The following NLGN4Y variants were observed in gnomAD, a reference collection of about 807,000 sequenced individuals.
The protein encoded by NLGN4Y is neuroligin-4, Y-linked.
Under a neutral mutation model 8.4 loss-of-function variants are expected in NLGN4Y, and 4 were observed. That is an observed-to-expected ratio of 0.48 (90% CI 0.23 to 1.09). The LOEUF is 1.09. Among genes scored for constraint, NLGN4Y ranks in the 50% least tolerant of loss-of-function variants. The pLI is 0.19. For missense variants in NLGN4Y, 90 were observed against 192.3 expected (o/e 0.47, Z 3.15); for synonymous variants, 35 against 75.6 (o/e 0.46, Z 2.78).
chrY:14,786,726 GCATATA>G (rs2042968500), intron 4 of NLGN4Y, among the ~76,000 whole-genome samples: 7 of 32,967 alleles, frequency 2.1e-4, no homozygotes, highest in Admixed American at 1.7e-3. Flanking sequence ...TATACTATCA[GCATATA>G]CATAAATACA....
chrY:14,593,398 T>C (rs770673038), intron 1 of NLGN4Y, among the ~76,000 whole-genome samples: 1 of 33,723 alleles, frequency 3.0e-5, no homozygotes, highest in East Asian at 7.9e-4. Flanking sequence ...CTGGAGGAGA[T>C]TTGGCCCTGT....
intron 1 of NLGN4Y, among the ~76,000 whole-genome samples, chrY:14,584,543 T>C: frequency 3.1e-5 from 1 of 32,621 alleles, no homozygotes; most frequent in Non-Finnish European, 7.5e-5. Context: ...ATATCCTCCT[T>C]ATCCACAAGC....
At chrY:14,832,210 G>A in intron 6 of NLGN4Y, among the ~76,000 whole-genome samples, 1 of 34,622 alleles carries the variant, frequency 2.9e-5, no homozygotes, top group Non-Finnish European at 7.2e-5. Flanking sequence ...TAAGATCAGA[G>A]GACACGATTT....
chrY:14,639,389 T>C, intron 2 of NLGN4Y: 1 of 149,024 alleles, frequency 6.7e-6, no homozygotes, highest in Non-Finnish European at 1.3e-5. Flanking sequence ...TGTCTATTAT[T>C]AGGGCAGGTT....
chrY:14,755,300 A>T, intron 4 of NLGN4Y, among the ~76,000 whole-genome samples: 1 of 33,028 alleles, frequency 3.0e-5, no homozygotes, highest in African/African-American at 1.2e-4. Context: ...ATGTTATCTT[A>T]TGTTTTGTTA....
chrY:14,783,006 T>C, intron 4 of NLGN4Y, among the ~76,000 whole-genome samples: 1 of 33,780 alleles, frequency 3.0e-5, no homozygotes, highest in Non-Finnish European at 7.3e-5. Context: ...AAGTAACCTT[T>C]TGCATTGTGC....
rs766838793 is a variant in NLGN4Y at position 14,829,724 on chromosome Y, C to T, written c.872-6C>T. 1 of 398,983 alleles carries T rather than the reference C, an allele frequency of 2.5e-6. No homozygotes were observed. The highest frequency in any genetic ancestry group is 7.4e-5 in the Admixed American group (1 of 13,545). On this transcript the variant is annotated splice_region_variant and splice_polypyrimidine_tract_variant and intron_variant, in intron 5 of 6. Transcript: ENST00000684976. ...CATTTGCATGTCCGCAATTTTGCAC[C>T]TGCAGGTCTCTTCCAGAAGGCCATC...
intron 4 of NLGN4Y, among the ~76,000 whole-genome samples, chrY:14,758,552 G>C (rs912090436): frequency 5.9e-5 from 2 of 33,838 alleles, no homozygotes; most frequent in Non-Finnish European, 7.3e-5. Flanking sequence ...GATTGGAACA[G>C]TGCACTAAGG....
chrY:14,728,243 C>T (rs773625624), intron 4 of NLGN4Y, among the ~76,000 whole-genome samples: 1 of 33,809 alleles, frequency 3.0e-5, no homozygotes, highest in Admixed American at 2.7e-4. Context: ...TTTCACATTG[C>T]TGGTGGGAAT....
At chrY:14,533,294 T>C (rs2080120128) in intron 1 of NLGN4Y, among the ~76,000 whole-genome samples, 1 of 33,319 alleles carries the variant, frequency 3.0e-5, no homozygotes, top group South Asian at 6.7e-4. Context: ...TTATGGCTAT[T>C]TCCTACATAC....
At chrY:14,756,511 G>A (rs2081057654) in intron 4 of NLGN4Y, among the ~76,000 whole-genome samples, 2 of 30,613 alleles carry the variant, frequency 6.5e-5, no homozygotes, top group African/African-American at 2.6e-4. Flanking sequence ...ACTTTGGGAG[G>A]CTGAGGCAGG....
intron 1 of NLGN4Y, among the ~76,000 whole-genome samples, chrY:14,603,134 ATG>A (rs777877703): frequency 3.2e-5 from 1 of 31,187 alleles, no homozygotes; most frequent in Non-Finnish European, 7.8e-5. Flanking sequence ...TAGAGGATGG[ATG>A]TGTGTGTGTG....
intron 4 of NLGN4Y, among the ~76,000 whole-genome samples, chrY:14,758,489 G>C: frequency 3.0e-5 from 1 of 33,766 alleles, no homozygotes; most frequent in African/African-American, 1.2e-4. Context: ...ACTACGGTTT[G>C]AGAATTGTCC....
chrY:14,708,371 C>T, intron 2 of NLGN4Y, among the ~76,000 whole-genome samples: 1 of 33,281 alleles, frequency 3.0e-5, no homozygotes, highest in Admixed American at 2.8e-4. Flanking sequence ...TACCATGTAA[C>T]TTATATGTTC....
At chrY:14,738,085 C>G in intron 4 of NLGN4Y, among the ~76,000 whole-genome samples, 1 of 31,734 alleles carries the variant, frequency 3.2e-5, no homozygotes, top group Non-Finnish European at 7.7e-5. Flanking sequence ...GCTTGCTTGG[C>G]GTATGGTAAA....
At chrY:14,545,878 T>C in intron 1 of NLGN4Y, among the ~76,000 whole-genome samples, 1 of 33,249 alleles carries the variant, frequency 3.0e-5, no homozygotes, top group Admixed American at 2.8e-4. Flanking sequence ...TGGTATGGCC[T>C]AGGATTTCTT....
intron 1 of NLGN4Y, among the ~76,000 whole-genome samples, chrY:14,603,154 GGTGT>G (rs757388537): frequency 9.7e-5 from 3 of 30,780 alleles, no homozygotes; most frequent in Admixed American, 6.0e-4. Flanking sequence ...GTGTGTGCGT[GGTGT>G]GTGTGTGTGT....
chrY:14,602,955 T>C (rs754870063), intron 1 of NLGN4Y, among the ~76,000 whole-genome samples: 1 of 33,288 alleles, frequency 3.0e-5, no homozygotes, highest in African/African-American at 1.2e-4. Flanking sequence ...ACCTAGGTGA[T>C]GGGTTGATTC....
chrY:14,627,598 G>A (rs2080533077), intron 2 of NLGN4Y, among the ~76,000 whole-genome samples: 2 of 34,840 alleles, frequency 5.7e-5, no homozygotes, highest in Non-Finnish European at 1.5e-4. Flanking sequence ...GTGGGGGCCC[G>A]CCGAGCCCGG....
Sources: gnomAD v4.1 joint callset for allele counts (sites outside exome capture counted in the v4.1 genomes callset) on GRCh38, gnomAD v4.1.1 for gene constraint, MANE v1.5 for transcripts, NCBI Gene and HGNC (gene_info 2026-07-23, HGNC 2026-07-21) for gene names.